CA10: variants seen among roughly 807,000 people sequenced by gnomAD.
CA10 encodes the protein carbonic anhydrase-related protein 10.
A neutral mutation model predicts 44.2 loss-of-function variants in CA10; 14 were observed. That is an observed-to-expected ratio of 0.32 (90% confidence interval 0.21 to 0.50). The LOEUF is 0.50. Among genes scored for constraint, CA10 ranks in the 20% least tolerant of loss-of-function variants. CA10 has a pLI of 0.99. For missense variants in CA10, 350 were observed against 409.7 expected (o/e 0.85, Z 1.26); for synonymous variants, 159 against 141.6 (o/e 1.12, Z -0.87).
intron 2 of CA10, among the ~76,000 whole-genome samples, chr17:51,974,953 A>G (rs1231975281): frequency 1.3e-5 from 2 of 152,242 alleles, no homozygotes; most frequent in African/African-American, 4.8e-5. Flanking sequence ...TTTATGTTAA[A>G]GGACGATGGA....
At chr17:51,942,410 C>T (rs921061717) in intron 2 of CA10, among the ~76,000 whole-genome samples, 6 of 151,842 alleles carry the variant, frequency 4.0e-5, no homozygotes, top group African/African-American at 9.7e-5. Context: ...TATTTTTTAT[C>T]GAGGTGCTAG....
At chr17:51,925,908 G>A (rs1282515505) in intron 3 of CA10, among the ~76,000 whole-genome samples, 3 of 152,144 alleles carry the variant, frequency 2.0e-5, no homozygotes, top group East Asian at 1.9e-4. Context: ...GAAACAGAAC[G>A]TAGGACAGAG....
chr17:51,863,082 C>T (rs187274369), intron 3 of CA10, among the ~76,000 whole-genome samples: 6 of 152,290 alleles, frequency 3.9e-5, no homozygotes, highest in Admixed American at 3.9e-4. Context: ...CTCTAAATCT[C>T]ATTTACTTCA....
In CA10 at chr17:51,747,658, A is replaced by G. The variant is rs770413169; in HGVS notation, c.440T>C (p.Leu147Pro). 3.1e-6 allele frequency: 5 copies of G among 1,613,600 alleles called. No homozygotes were observed. In the Admixed American group the frequency reaches 8.3e-5, roughly 27 times the overall value. The change falls in exon 4 of 9, where the codon CTC becomes CCC. Residue 147 changes from leucine to proline, a missense_variant. Physicochemically the swap from Leu to Pro is moderately conservative, Grantham distance 98. Transcript: ENST00000451037. ...CTCCCCAGAGAAGGCCTGTCCATTGAGGAGGTGCTCCGACCCTTGGCTGTC... is the reference window on the plus strand; with the variant it reads ...CTCCCCAGAGAAGGCCTGTCCATTGGGGAGGTGCTCCGACCCTTGGCTGTC... The part of the protein sequence containing the change: ...SEDSQGSEHL[L>P]NGQAFSGEVQ...
At chr17:51,757,187 C>T (rs1180315417) in intron 3 of CA10, among the ~76,000 whole-genome samples, 1 of 152,104 alleles carries the variant, frequency 6.6e-6, no homozygotes, top group African/African-American at 2.4e-5. Flanking sequence ...TGCAAAGTAG[C>T]TCAAGAGATC....
intron 4 of CA10, among the ~76,000 whole-genome samples, chr17:51,694,056 T>G (rs1915314529): frequency 6.6e-6 from 1 of 151,976 alleles, no homozygotes; most frequent in African/African-American, 2.4e-5. Flanking sequence ...AATACAAAAT[T>G]AGCTAGGCGT....
chr17:52,133,927 C>T (rs190238871), intron 1 of CA10, among the ~76,000 whole-genome samples: 1 of 152,206 alleles, frequency 6.6e-6, no homozygotes, highest in East Asian at 1.9e-4. Flanking sequence ...TATGACTGTA[C>T]AGGGTGCATG....
chr17:51,904,859 G>A (rs1375545622), intron 3 of CA10, among the ~76,000 whole-genome samples: 1 of 152,060 alleles, frequency 6.6e-6, no homozygotes, highest in South Asian at 2.1e-4. Context: ...AGCTTGTTCA[G>A]AGCTGGTTGA....
chr17:52,053,988 T>C (rs1987152454), intron 2 of CA10, among the ~76,000 whole-genome samples: 1 of 152,062 alleles, frequency 6.6e-6, no homozygotes, highest in African/African-American at 2.4e-5. Flanking sequence ...ATGATTGCAT[T>C]AACTGCACAA....
chr17:51,665,505 A>T (rs1914174707), intron 4 of CA10, among the ~76,000 whole-genome samples: 1 of 152,154 alleles, frequency 6.6e-6, no homozygotes, highest in East Asian at 1.9e-4. Context: ...TTGAGTTTCC[A>T]TCAAAGTCAA....
rs372339653 is a variant in CA10 at position 52,108,206 on chromosome 17, A to ATATTT, written c.62-35814_62-35813insAAATA. Among the ~76,000 whole-genome samples the ATATTT allele has an allele frequency of 1.3e-3, 43 of 32,942 alleles. 1 individual carries two copies. Among genetic ancestry groups the ATATTT allele is most frequent in the African/African-American group, 4.6e-3 (41 of 8,850 alleles). 21.6% of individuals were successfully genotyped at this position (32,942 alleles called of 152,430 possible). On this transcript the variant is annotated intron_variant, in intron 1 of 8. Transcript: ENST00000451037. ...ATATATATATTTTTTATATATATAT[A>ATATTT]TATATATATATATATATATAATATG...
chr17:51,753,682 T>C (rs144950251), intron 3 of CA10, among the ~76,000 whole-genome samples: 492 of 152,298 alleles, frequency 3.2e-3, no homozygotes, highest in African/African-American at 0.012. Flanking sequence ...TAAACCCATA[T>C]GTGGAGGGAA....
chr17:51,747,802 T>TAC lies in CA10; in HGVS notation c.294_295dup (p.Tyr99CysfsTer25). Reference sequence around the variant, plus strand: ...AAGGGATACGTGTCTTCCAGTGTTGTACATGGTCCCACTGACCTGCAAGGC... The same window carrying TAC: ...AAGGGATACGTGTCTTCCAGTGTTGTACACATGGTCCCACTGACCTGCAAGGC... On this transcript the variant is annotated frameshift_variant, in exon 4 of 9. Coordinates refer to ENST00000451037, the MANE Select transcript of CA10 (RefSeq NM_020178.5). LOFTEE classifies it high-confidence loss of function. 6.2e-7 allele frequency: 1 copy of TAC among 1,612,048 alleles called. No individual in the cohort carries two copies. The highest frequency in any genetic ancestry group is 8.5e-7 in the Non-Finnish European group (1 of 1,179,114).
At chr17:52,143,104 T>C (rs1989516035) in intron 1 of CA10, among the ~76,000 whole-genome samples, 1 of 152,214 alleles carries the variant, frequency 6.6e-6, no homozygotes. Flanking sequence ...AGATTAATAA[T>C]AAAATATTTG....
chr17:51,914,813 GCT>G (rs1407044153), intron 3 of CA10, among the ~76,000 whole-genome samples: 2 of 152,168 alleles, frequency 1.3e-5, no homozygotes, highest in African/African-American at 4.8e-5. Context: ...TTGAAACTCA[GCT>G]CTGTTTCTTG....
intron 2 of CA10, among the ~76,000 whole-genome samples, chr17:52,001,768 C>T (rs1456769073): frequency 6.6e-6 from 1 of 151,944 alleles, no homozygotes; most frequent in African/African-American, 2.4e-5. Context: ...AACTATCCTG[C>T]CTGAAGCAGA....
intron 3 of CA10, among the ~76,000 whole-genome samples, chr17:51,917,706 G>A (rs1243572690): frequency 3.3e-5 from 5 of 152,148 alleles, no homozygotes; most frequent in Middle Eastern, 3.2e-3. Flanking sequence ...ACTCACTCAC[G>A]AGTACAGCAC....
chr17:51,787,699 T>C (rs184331452), intron 3 of CA10, among the ~76,000 whole-genome samples: 2 of 152,282 alleles, frequency 1.3e-5, no homozygotes, highest in African/African-American at 4.8e-5. Flanking sequence ...GGTTTCACCA[T>C]GTTGGTCAGG....
intron 2 of CA10, among the ~76,000 whole-genome samples, chr17:51,964,928 AC>A (rs983822675): frequency 2.0e-5 from 3 of 151,156 alleles, no homozygotes; most frequent in Non-Finnish European, 4.4e-5. Flanking sequence ...AGAAATTGAG[AC>A]CCCCCCAAAT....
Sources: gnomAD v4.1 joint callset for allele counts (sites outside exome capture counted in the v4.1 genomes callset) on GRCh38, gnomAD v4.1.1 for gene constraint, MANE v1.5 for transcripts, NCBI Gene and HGNC (gene_info 2026-07-23, HGNC 2026-07-21) for gene names.